LUZP2: variants seen among roughly 807,000 people sequenced by gnomAD.
LUZP2 encodes the protein leucine zipper protein 2.
A neutral mutation model predicts 51.6 loss-of-function variants in LUZP2; 52 were observed. The ratio of observed to expected loss-of-function variants is 1.01; its 90% CI spans 0.81 to 1.27. LUZP2 has a LOEUF of 1.27. Among genes scored for constraint, LUZP2 ranks in the 50% most tolerant of loss-of-function variants. LUZP2 has a pLI of 0.00. For missense variants in LUZP2, 436 were observed against 395.4 expected (o/e 1.10, Z -0.87); for synonymous variants, 154 against 137.3 (o/e 1.12, Z -0.85).
chr11:24,530,780 T>C, intron 1 of LUZP2, among the ~76,000 whole-genome samples: 1 of 134,840 alleles, frequency 7.4e-6, no homozygotes, highest in Non-Finnish European at 1.6e-5. Flanking sequence ...TTTTTTTTTT[T>C]TTTTTGGTGG....
chr11:24,542,020 A>G (rs966242846), intron 1 of LUZP2, among the ~76,000 whole-genome samples: 3 of 152,104 alleles, frequency 2.0e-5, no homozygotes, highest in African/African-American at 7.2e-5. Flanking sequence ...ATGGTATACC[A>G]AAAAGATGAA....
At chr11:24,812,535 C>G (rs1017481646) in intron 5 of LUZP2, among the ~76,000 whole-genome samples, 1 of 152,146 alleles carries the variant, frequency 6.6e-6, no homozygotes, top group Non-Finnish European at 1.5e-5. Context: ...CTTAACCTCT[C>G]TTTGCCCGTT....
At chr11:24,668,991 T>C (rs985365100) in intron 1 of LUZP2, among the ~76,000 whole-genome samples, 1 of 152,152 alleles carries the variant, frequency 6.6e-6, no homozygotes, top group African/African-American at 2.4e-5. Flanking sequence ...AAACGGCTTT[T>C]TCCTTCAACC....
chr11:24,564,862 T>C (rs942030838), intron 1 of LUZP2, among the ~76,000 whole-genome samples: 2 of 152,142 alleles, frequency 1.3e-5, no homozygotes, highest in Non-Finnish European at 2.9e-5. Context: ...CCTTGTTAGT[T>C]GATTCTTACG....
chr11:24,724,232 T>C (rs983745007), intron 1 of LUZP2, among the ~76,000 whole-genome samples: 3 of 152,102 alleles, frequency 2.0e-5, no homozygotes, highest in Non-Finnish European at 4.4e-5. Context: ...CACTTGAAAA[T>C]TACAAATATG....
intron 9 of LUZP2, among the ~76,000 whole-genome samples, chr11:25,001,161 A>T (rs1168888581): frequency 6.6e-6 from 1 of 152,160 alleles, no homozygotes; most frequent in African/African-American, 2.4e-5. Flanking sequence ...TGGGATTTCA[A>T]TTATTCTTTG....
chr11:24,528,827 T>A (rs931598875), intron 1 of LUZP2, among the ~76,000 whole-genome samples: 2 of 151,232 alleles, frequency 1.3e-5, no homozygotes, highest in Admixed American at 1.3e-4. Context: ...CTGCTTAAAA[T>A]CATTAAATAA....
intron 1 of LUZP2, among the ~76,000 whole-genome samples, chr11:24,723,555 G>A (rs1033810347): frequency 1.3e-5 from 2 of 152,196 alleles, no homozygotes; most frequent in Non-Finnish European, 2.9e-5. Context: ...GCTGGACACG[G>A]CGGCCCATGC....
intron 10 of LUZP2, among the ~76,000 whole-genome samples, chr11:25,070,508 G>C (rs1859123424): frequency 6.7e-6 from 1 of 149,794 alleles, no homozygotes; most frequent in Non-Finnish European, 1.5e-5. Context: ...CACATTCATA[G>C]GGTCTGCCTG....
At chr11:24,594,884 T>C (rs2133849628) in intron 1 of LUZP2, among the ~76,000 whole-genome samples, 1 of 150,828 alleles carries the variant, frequency 6.6e-6, no homozygotes, top group Non-Finnish European at 1.5e-5. Flanking sequence ...CTCAGCCTCC[T>C]GTGTAGCTGG....
At chr11:24,886,245 CA>C (rs1852664088) in intron 5 of LUZP2, among the ~76,000 whole-genome samples, 1 of 152,084 alleles carries the variant, frequency 6.6e-6, no homozygotes, top group Non-Finnish European at 1.5e-5. Flanking sequence ...TCATGACTTG[CA>C]TATTATGTTT....
At chr11:24,511,928 T>C (rs1850323513) in intron 1 of LUZP2, among the ~76,000 whole-genome samples, 1 of 151,850 alleles carries the variant, frequency 6.6e-6, no homozygotes, top group Admixed American at 6.6e-5. Flanking sequence ...TAATATGCAC[T>C]AGTATCCACA....
chr11:24,923,275 C>T (rs1854128417), intron 7 of LUZP2, among the ~76,000 whole-genome samples: 2 of 152,052 alleles, frequency 1.3e-5, no homozygotes. Context: ...TTCTAATGTA[C>T]TCAAAGATCT....
At chr11:24,693,748 A>T (rs911434129) in intron 1 of LUZP2, among the ~76,000 whole-genome samples, 23 of 152,060 alleles carry the variant, frequency 1.5e-4, no homozygotes. Flanking sequence ...CAATCACTGT[A>T]CATTATGCCT....
intron 5 of LUZP2, among the ~76,000 whole-genome samples, chr11:24,847,502 A>G (rs1034990253): frequency 3.9e-5 from 6 of 152,176 alleles, no homozygotes; most frequent in Non-Finnish European, 8.8e-5. Flanking sequence ...AAACACAGAA[A>G]TAATGCTGTG....
At chr11:24,732,991 C>A (rs575829294) in intron 3 of LUZP2, among the ~76,000 whole-genome samples, 1 of 151,648 alleles carries the variant, frequency 6.6e-6, no homozygotes, top group East Asian at 1.9e-4. Flanking sequence ...TCCACCTTAC[C>A]AGTTTGGCTC....
At chr11:24,793,413 C>T (rs748472869) in intron 5 of LUZP2, among the ~76,000 whole-genome samples, 2 of 152,128 alleles carry the variant, frequency 1.3e-5, no homozygotes, top group African/African-American at 4.8e-5. Context: ...TTAATGTCAC[C>T]ACCTGCAAAC....
At chr11:24,554,507 A>G (rs903287807) in intron 1 of LUZP2, among the ~76,000 whole-genome samples, 1 of 152,072 alleles carries the variant, frequency 6.6e-6, no homozygotes, top group African/African-American at 2.4e-5. Context: ...GCCACTTTCA[A>G]TGCAGCTTGT....
rs538398411 is a variant in LUZP2, at chr11:24,787,709, A to G, written c.396+24401A>G. Among the ~76,000 whole-genome samples the G allele has an allele frequency of 2.9e-4, 44 of 152,300 alleles. No homozygotes were observed. The South Asian group carries it at 7.5e-3, about 26-fold the overall frequency. On this transcript the variant is annotated intron_variant, in intron 5 of 11. Coordinates refer to ENST00000336930, the MANE Select transcript of LUZP2 (RefSeq NM_001009909.4). ...CTCTCACATTAATTTTCTTTGTGGT[A>G]TATTAAATACCAACAGAAGCATCAG...
Sources: gnomAD v4.1 joint callset for allele counts (sites outside exome capture counted in the v4.1 genomes callset) on GRCh38, gnomAD v4.1.1 for gene constraint, MANE v1.5 for transcripts, NCBI Gene and HGNC (gene_info 2026-07-23, HGNC 2026-07-21) for gene names.